The following FMO4 variants were observed in gnomAD, a reference collection of about 807,000 sequenced individuals.
The protein encoded by FMO4 is dimethylaniline monooxygenase [N-oxide-forming] 4.
Under a neutral mutation model 43.3 loss-of-function variants are expected in FMO4, and 38 were observed. That is an observed-to-expected ratio of 0.88 (90% CI 0.68 to 1.15). FMO4 has a LOEUF of 1.15. FMO4 is among the 50% of genes most tolerant of loss of function. The pLI is 0.00. For missense variants in FMO4, 631 were observed against 663.3 expected, an observed-to-expected ratio of 0.95 and a Z score of 0.54; for synonymous variants, 224 against 232.2, an observed-to-expected ratio of 0.96 and a Z score of 0.32.
intron 3 of FMO4, 52 bp downstream of exon 3, chr1:171,320,009 C>T (rs1662341766): frequency 3.1e-6 from 5 of 1,603,388 alleles, no homozygotes; most frequent in Non-Finnish European, 4.3e-6. Flanking sequence ...TTTGTCTCTG[C>T]TCAGACATGG....
In FMO4 at chr1:171,331,710, A is replaced by G. The variant is rs761706822; in HGVS notation, c.555A>G (p.Lys185=). 6.2e-7 allele frequency: 1 copy of G among 1,613,848 alleles called. No homozygotes were observed. Among genetic ancestry groups the G allele is most frequent in the South Asian group, 1.1e-5 (1 of 91,066 alleles). Residue 185 remains lysine, a synonymous_variant, in exon 6 of 10, where the codon AAA becomes AAG. Transcript: ENST00000367749. ...EYKIPEGFQG[K]RVLVIGLGNT... ...AGATCCCAGAAGGCTTTCAGGGCAAACGCGTCTTGGTGATTGGTCTTGGGA... is the reference window on the plus strand; with the variant it reads ...AGATCCCAGAAGGCTTTCAGGGCAAGCGCGTCTTGGTGATTGGTCTTGGGA...
chr1:171,322,334 G>C (rs1195641823), intron 3 of FMO4, among the ~76,000 whole-genome samples: 1 of 152,176 alleles, frequency 6.6e-6, no homozygotes, highest in Non-Finnish European at 1.5e-5. Context: ...TGAGTGGAGG[G>C]AGTAGCCATG....
At chr1:171,332,002 G>A (rs905999265) in intron 6 of FMO4, among the ~76,000 whole-genome samples, 6 of 152,054 alleles carry the variant, frequency 3.9e-5, no homozygotes, top group Admixed American at 2.6e-4. Flanking sequence ...CTCCAAGAAG[G>A]GTCTAGGAAA....
Position 171,334,621 on chromosome 1 carries a change from A to C in FMO4, c.1038A>C (p.Thr346=), listed in dbSNP as rs2101901973. Residue 346 remains threonine (T), a synonymous_variant, in exon 8 of 10, where the codon ACA becomes ACC. Transcript: ENST00000367749. ...FFEEPLKSLC[T]KKIFLYKQVF... is the part of the protein sequence containing the mutation. ...AAGAACCTCTTAAAAGCCTCTGTACAAAGAAGATATTTCTATACAAGCAAG... is the reference window on the plus strand; with the variant it reads ...AAGAACCTCTTAAAAGCCTCTGTACCAAGAAGATATTTCTATACAAGCAAG... 3 of 1,613,534 alleles carry C rather than the reference A, an allele frequency of 1.9e-6. No individual in the cohort carries two copies. The highest frequency in any genetic ancestry group is 4.5e-5 in the East Asian group (2 of 44,854).
chr1:171,331,624 C>T lies in FMO4; in HGVS notation c.485-16C>T. The T allele has an allele frequency of 1.2e-6, 2 of 1,612,510 alleles. No individual in the cohort carries two copies. Among genetic ancestry groups the T allele is most frequent in the Middle Eastern group, 1.7e-4 (1 of 6,056 alleles). ...CTTTAGACATTTCAGACTTTCTGAT[C>T]CTTCACTCCTCTCAGGAATTCATAA... On this transcript the variant is annotated splice_polypyrimidine_tract_variant and intron_variant, in intron 5 of 9. Coordinates refer to ENST00000367749, the MANE Select transcript of FMO4 (RefSeq NM_002022.3).
At chr1:171,315,708 C>A (rs192397413) in intron 1 of FMO4, among the ~76,000 whole-genome samples, 3 of 152,306 alleles carry the variant, frequency 2.0e-5, no homozygotes, top group Admixed American at 2.0e-4. Context: ...AATTTATAGT[C>A]TGTAAATACG....
rs1173227293 is a variant in FMO4 at position 171,341,772 on chromosome 1, T to A, written c.1610T>A (p.Leu537Ter). The A allele has an allele frequency of 6.2e-7, 1 of 1,613,844 alleles. No homozygotes were observed. Among genetic ancestry groups the A allele is most frequent in the Admixed American group, 1.7e-5 (1 of 59,930 alleles). ...LLLICKSSLF[L>*]KLVRDKLQDR... is the part of the protein sequence containing the mutation. ...CTTATCTGTAAATCTTCACTTTTCT[T>A]GAAATTGGTGAGAGATAAACTACAG... The change falls in exon 10 of 10, where the codon TTG becomes TAG. Residue 537 changes from leucine to a stop codon, truncating the protein, a stop_gained. Transcript: ENST00000367749. LOFTEE classifies it low-confidence loss of function (END_TRUNC).
intron 9 of FMO4, among the ~76,000 whole-genome samples, chr1:171,337,667 G>A (rs997008149): frequency 2.6e-5 from 4 of 152,126 alleles, no homozygotes; most frequent in Admixed American, 6.6e-5. Context: ...CCTACCAGTG[G>A]CAATCCTGTC....
intron 4 of FMO4, among the ~76,000 whole-genome samples, chr1:171,323,524 TGTG>T (rs1207503084): frequency 6.6e-6 from 1 of 151,988 alleles, no homozygotes; most frequent in Non-Finnish European, 1.5e-5. Context: ...ATTAGCTGGG[TGTG>T]GTGGTGCACA....
chr1:171,334,357 T>C, intron 7 of FMO4, 54 bp from the exon 8 acceptor site: 1 of 1,151,366 alleles, frequency 8.7e-7, no homozygotes, highest in East Asian at 2.4e-5. Flanking sequence ...AATCATTTGC[T>C]GAAGTTTCTC....
Position 171,319,800 on chromosome 1 carries a change from T to C in FMO4, c.-8-18T>C. The C allele has an allele frequency of 6.2e-7, 1 of 1,611,302 alleles. No individual in the cohort carries two copies. Among genetic ancestry groups the C allele is most frequent in the Non-Finnish European group, 8.5e-7 (1 of 1,178,476 alleles). ...AACTTATTAAATAAAGAAGTTCTGCTTGACTTTCCTCTAACAGAGCATACC... is the reference window on the plus strand; with the variant it reads ...AACTTATTAAATAAAGAAGTTCTGCCTGACTTTCCTCTAACAGAGCATACC... On this transcript the variant is annotated intron_variant, in intron 2 of 9. Transcript: ENST00000367749.
At chr1:171,338,457 A>C (rs1663211309) in intron 9 of FMO4, among the ~76,000 whole-genome samples, 1 of 152,094 alleles carries the variant, frequency 6.6e-6, no homozygotes. Flanking sequence ...AGCACACCCA[A>C]ATATTGATAT....
rs1448734992 is a variant in FMO4 at position 171,332,718 on chromosome 1, A to C, written c.637A>C (p.Ser213Arg). ...LSRTAAQVLL[S>R]TRTGTWVLGR... ...TTACTTTACTTTTTAGGTACTTCTC[A>C]GTACTAGAACTGGTACCTGGGTTCT... The change falls in exon 7 of 10, where the codon AGT (serine) becomes CGT (arginine). Residue 213 changes from serine to arginine, a missense_variant. Transcript: ENST00000367749. 1.2e-6 allele frequency: 2 copies of C among 1,607,614 alleles called. No homozygotes were observed. The highest frequency in any genetic ancestry group is 2.7e-5 in the African/African-American group (2 of 74,782).
At chr1:171,315,695 A>C (rs1454705502) in intron 1 of FMO4, among the ~76,000 whole-genome samples, 1 of 152,240 alleles carries the variant, frequency 6.6e-6, no homozygotes, top group Non-Finnish European at 1.5e-5. Context: ...GCTCCCATTC[A>C]GAAATTTATA....
At chr1:171,326,910 G>C (rs1274716970) in intron 5 of FMO4, among the ~76,000 whole-genome samples, 1 of 152,088 alleles carries the variant, frequency 6.6e-6, no homozygotes, top group Non-Finnish European at 1.5e-5. Flanking sequence ...TGAATTAGTA[G>C]TTTTAATTTA....
chr1:171,326,197 A>G (rs1662661111), intron 5 of FMO4, among the ~76,000 whole-genome samples: 1 of 151,918 alleles, frequency 6.6e-6, no homozygotes, highest in Non-Finnish European at 1.5e-5. Context: ...TAGCTGTAGG[A>G]CCCCTGTTGA....
At chr1:171,338,197 TACCA>T (rs1024417848) in intron 9 of FMO4, among the ~76,000 whole-genome samples, 2 of 152,090 alleles carry the variant, frequency 1.3e-5, no homozygotes, top group African/African-American at 4.8e-5. Flanking sequence ...AGCTCCTACC[TACCA>T]AATAAATCCA....
chr1:171,333,371 A>C (rs910293897), intron 7 of FMO4, among the ~76,000 whole-genome samples: 8 of 152,158 alleles, frequency 5.3e-5, no homozygotes, highest in Admixed American at 2.6e-4. Flanking sequence ...CTACAGGCAC[A>C]GGCCACCTCG....
intron 2 of FMO4, among the ~76,000 whole-genome samples, chr1:171,319,288 C>T (rs371024203): frequency 2.0e-5 from 3 of 152,178 alleles, no homozygotes; most frequent in African/African-American, 7.2e-5. Flanking sequence ...CCCAGCTGAA[C>T]TCCTCTTGAT....
Sources: gnomAD v4.1 joint callset for allele counts (sites outside exome capture counted in the v4.1 genomes callset) on GRCh38, gnomAD v4.1.1 for gene constraint, MANE v1.5 for transcripts, NCBI Gene and HGNC (gene_info 2026-07-23, HGNC 2026-07-21) for gene names.